Variants in RAB38 observed in about 807,000 individuals in gnomAD.
RAB38 encodes the protein RAB38, member RAS oncogene family.
In RAB38, 15 loss-of-function variants were observed where a neutral mutation model predicts 18.4. The ratio of observed to expected loss-of-function variants is 0.82; its 90% CI spans 0.55 to 1.26. The LOEUF is 1.26. Among genes scored for constraint, RAB38 ranks in the 50% most tolerant of loss-of-function variants. The probability of loss-of-function intolerance (pLI) is 0.00; values close to 1 mark genes in which losing one functional copy is unlikely to be tolerated. For missense variants in RAB38, 294 were observed against 267.4 expected, an observed-to-expected ratio of 1.10 and a Z score of -0.69; for synonymous variants, 101 against 104.4, an observed-to-expected ratio of 0.97 and a Z score of 0.20.
the RAB38 span, among the ~76,000 whole-genome samples, chr11:88,052,944 A>ATATCATATATAT: frequency 9.3e-6 from 1 of 107,748 alleles, no homozygotes; most frequent in African/African-American, 4.1e-5. Flanking sequence ...ATATATATAT[A>ATATCATATATAT]AATTATATAT....
chr11:88,044,413 C>T, the RAB38 span, among the ~76,000 whole-genome samples: 1 of 152,070 alleles, frequency 6.6e-6, no homozygotes, highest in Non-Finnish European at 1.5e-5. Flanking sequence ...CTATGGGCAG[C>T]CTTCCACCCT....
chr11:88,146,587 A>G (rs571430443), intron 2 of RAB38, among the ~76,000 whole-genome samples: 1 of 152,214 alleles, frequency 6.6e-6, no homozygotes, highest in East Asian at 1.9e-4. Flanking sequence ...TAAATGTTGT[A>G]ATACTATAGT....
chr11:88,082,552 C>G, the RAB38 span, among the ~76,000 whole-genome samples: 1 of 151,968 alleles, frequency 6.6e-6, no homozygotes, highest in Admixed American at 6.6e-5. Context: ...CTCCCGCAAT[C>G]TATCCCATCT....
the RAB38 span, among the ~76,000 whole-genome samples, chr11:88,039,134 T>C: frequency 1.2e-3 from 176 of 152,288 alleles, 2 homozygotes; most frequent in South Asian, 8.1e-3. Context: ...TGTTCCTTTG[T>C]TTTTAGTTGG....
chr11:88,131,763 C>A (rs1942770071), intron 2 of RAB38, among the ~76,000 whole-genome samples: 1 of 152,178 alleles, frequency 6.6e-6, no homozygotes, highest in Admixed American at 6.5e-5. Context: ...TAGGGTCATG[C>A]CCATTGAGTG....
At chr11:87,878,035 CTG>C in the RAB38 span, among the ~76,000 whole-genome samples, 1 of 150,650 alleles carries the variant, frequency 6.6e-6, no homozygotes, top group Non-Finnish European at 1.5e-5. Flanking sequence ...TGTAGGGAAA[CTG>C]AGCCTTGAGC....
the RAB38 span, among the ~76,000 whole-genome samples, chr11:87,851,866 G>C: frequency 2.0e-5 from 3 of 151,828 alleles, no homozygotes; most frequent in African/African-American, 7.3e-5. Flanking sequence ...TCTCTAGCTG[G>C]GTCTGAAAAT....
the RAB38 span, among the ~76,000 whole-genome samples, chr11:87,896,726 G>T: frequency 1.6e-4 from 25 of 151,728 alleles, no homozygotes; most frequent in African/African-American, 6.0e-4. Context: ...TGTTGTGCAA[G>T]TTACTAATCG....
the RAB38 span, among the ~76,000 whole-genome samples, chr11:88,072,125 A>G: frequency 6.6e-6 from 1 of 152,250 alleles, no homozygotes; most frequent in African/African-American, 2.4e-5. Context: ...ATCAGCAATG[A>G]TTCATATGCT....
the RAB38 span, among the ~76,000 whole-genome samples, chr11:87,939,200 A>G: frequency 2.0e-5 from 3 of 152,218 alleles, no homozygotes; most frequent in African/African-American, 7.2e-5. Flanking sequence ...AATGTTGGCT[A>G]TAGGATGAGT....
the RAB38 span, among the ~76,000 whole-genome samples, chr11:87,977,380 A>G: frequency 2.2e-5 from 1 of 46,036 alleles, no homozygotes; most frequent in East Asian, 4.6e-4. Flanking sequence ...ATTATATTAT[A>G]AAATATAATT....
At chr11:87,891,991 AATG>A in the RAB38 span, among the ~76,000 whole-genome samples, 1 of 151,820 alleles carries the variant, frequency 6.6e-6, no homozygotes, top group Non-Finnish European at 1.5e-5. Context: ...TGAGCCTTTT[AATG>A]ATAAGAGGCA....
chr11:88,098,186 C>A, the RAB38 span: 1 of 151,810 alleles, frequency 6.6e-6, no homozygotes, highest in African/African-American at 2.4e-5. Flanking sequence ...AGGAAAGGGA[C>A]ACATATTTCA....
the RAB38 span, among the ~76,000 whole-genome samples, chr11:87,872,274 A>G: frequency 6.6e-6 from 1 of 151,462 alleles, no homozygotes; most frequent in African/African-American, 2.4e-5. Context: ...CCATTTTTAA[A>G]TTGGATTTTT....
chr11:88,146,276 T>G (rs1427988738), intron 2 of RAB38, among the ~76,000 whole-genome samples: 1 of 152,174 alleles, frequency 6.6e-6, no homozygotes, highest in Non-Finnish European at 1.5e-5. Context: ...AAGTTTCAAC[T>G]GCAGAGATGT....
the RAB38 span, among the ~76,000 whole-genome samples, chr11:87,913,824 T>C: frequency 7.2e-5 from 11 of 152,146 alleles, no homozygotes; most frequent in Admixed American, 7.2e-4. Context: ...CATGTTGTGA[T>C]GTAGCATGCT....
At chr11:87,837,515 G>A in the RAB38 span, among the ~76,000 whole-genome samples, 1 of 152,144 alleles carries the variant, frequency 6.6e-6, no homozygotes, top group South Asian at 2.1e-4. Context: ...AAAGATTAGA[G>A]AGATACAGCA....
chr11:87,874,491 G>T, the RAB38 span, among the ~76,000 whole-genome samples: 1 of 151,298 alleles, frequency 6.6e-6, no homozygotes. Flanking sequence ...ACACACCGGG[G>T]CCTGTTGTGG....
chr11:87,909,490 A>G, the RAB38 span, among the ~76,000 whole-genome samples: 3 of 152,020 alleles, frequency 2.0e-5, no homozygotes, highest in African/African-American at 7.2e-5. Flanking sequence ...CAATCTTGTT[A>G]AGGTATAATT....
Sources: gnomAD v4.1 joint callset for allele counts (sites outside exome capture counted in the v4.1 genomes callset) on GRCh38, gnomAD v4.1.1 for gene constraint, MANE v1.5 for transcripts, NCBI Gene and HGNC (gene_info 2026-07-23, HGNC 2026-07-21) for gene names.